ZNF25: variants seen among roughly 807,000 people sequenced by gnomAD.
ZNF25 encodes zinc finger protein 25, also known as zinc finger protein 25 (KOX 19).
Under a neutral mutation model 30.9 loss-of-function variants are expected in ZNF25, and 21 were observed. That is an observed-to-expected ratio of 0.68 (90% confidence interval 0.48 to 0.98). The LOEUF (loss-of-function observed/expected upper bound fraction) is 0.98. Among genes scored for constraint, ZNF25 ranks in the 50% least tolerant of loss-of-function variants. The pLI is 0.00. For missense variants in ZNF25, 501 were observed against 529.9 expected (o/e 0.95, Z 0.54); for synonymous variants, 169 against 181.3 (o/e 0.93, Z 0.55).
chr10:37,971,601 A>T, intron 2 of ZNF25, 107 bp downstream of exon 2: 1 of 1,549,368 alleles, frequency 6.5e-7, no homozygotes, highest in South Asian at 1.1e-5. Flanking sequence ...CTAATTTAGT[A>T]TATGGGCTCT....
intron 2 of ZNF25, among the ~76,000 whole-genome samples, 179 bp downstream of exon 2, chr10:37,971,529 G>C (rs1234660878): frequency 6.6e-6 from 1 of 151,848 alleles, no homozygotes; most frequent in East Asian, 1.9e-4. Context: ...CACATTTTGA[G>C]AATTGCTGTT....
rs568185725 is a variant in ZNF25 at position 37,975,676 on chromosome 10, G to C, written c.-86+830C>G. Among the ~76,000 whole-genome samples the C allele has an allele frequency of 1.7e-4, 26 of 152,324 alleles. No homozygotes were observed. The South Asian group carries it at 5.2e-3, about 30-fold the overall frequency. ...CACGTTTCACAGTCCTCTGAGAAGAGACTAAGGTTGGAGGATGCAGGAAGG... is the reference window on the plus strand; with the variant it reads ...CACGTTTCACAGTCCTCTGAGAAGACACTAAGGTTGGAGGATGCAGGAAGG... On this transcript the variant is annotated intron_variant, in intron 1 of 5. Transcript: ENST00000302609.
chr10:37,959,919 G>T (rs377754720), intron 2 of ZNF25, among the ~76,000 whole-genome samples: 20 of 148,570 alleles, frequency 1.3e-4, no homozygotes, highest in African/African-American at 2.2e-4. Context: ...CGGTTTTTTT[G>T]TTGTTGTTGT....
chr10:37,952,206 C>A lies in ZNF25; in HGVS notation c.1292G>T (p.Cys431Phe), dbSNP rs768897364. 11 of 1,613,106 alleles carry A rather than the reference C, an allele frequency of 6.8e-6. No homozygotes were observed. In the African/African-American group the frequency reaches 1.1e-4, roughly 16 times the overall value. ...TGEKPYECQE[C>F]GETFIQKSQL... Reference sequence around the variant, plus strand: ...TGACTTCTGGATAAAGGTTTCCCCACACTCCTGACACTCATAGGGCTTCTC... The same window carrying A: ...TGACTTCTGGATAAAGGTTTCCCCAAACTCCTGACACTCATAGGGCTTCTC... The change falls in exon 6 of 6, where the codon TGT (cysteine) becomes TTT (phenylalanine). Residue 431 changes from cysteine to phenylalanine, a missense_variant. Coordinates refer to ENST00000302609, the MANE Select transcript of ZNF25 (RefSeq NM_145011.4).
At chr10:37,965,782 C>T (rs567446414) in intron 2 of ZNF25, among the ~76,000 whole-genome samples, 1 of 152,256 alleles carries the variant, frequency 6.6e-6, no homozygotes, top group African/African-American at 2.4e-5. Flanking sequence ...CCTCTGTTTG[C>T]TTCCTATAGG....
intron 2 of ZNF25, among the ~76,000 whole-genome samples, chr10:37,962,492 A>C (rs2062945812): frequency 1.3e-5 from 2 of 152,192 alleles, no homozygotes; most frequent in African/African-American, 4.8e-5. Flanking sequence ...AAAGAATTGA[A>C]ATCTACCAAA....
intron 4 of ZNF25, 75 bp downstream of exon 4, chr10:37,956,945 G>A: frequency 1.1e-6 from 1 of 913,536 alleles, no homozygotes; most frequent in South Asian, 1.6e-5. Flanking sequence ...GTGAGAGATT[G>A]CCGAAAAGTA....
intron 2 of ZNF25, among the ~76,000 whole-genome samples, chr10:37,966,249 C>T (rs1304862957): frequency 6.6e-6 from 1 of 151,900 alleles, no homozygotes; most frequent in East Asian, 1.9e-4. Flanking sequence ...CCTGTCTGTA[C>T]TAAAAATACA....
intron 2 of ZNF25, among the ~76,000 whole-genome samples, chr10:37,968,701 T>G (rs1303606519): frequency 6.6e-6 from 1 of 152,066 alleles, no homozygotes; most frequent in Non-Finnish European, 1.5e-5. Flanking sequence ...ACAGCCCAGG[T>G]AGGAAATGGG....
At chr10:37,971,022 A>G (rs1403326480) in intron 2 of ZNF25, among the ~76,000 whole-genome samples, 1 of 152,220 alleles carries the variant, frequency 6.6e-6, no homozygotes, top group Non-Finnish European at 1.5e-5. Context: ...ATATTTTTAA[A>G]ATCACATTTG....
intron 2 of ZNF25, among the ~76,000 whole-genome samples, chr10:37,962,732 A>G (rs1210616622): frequency 1.3e-5 from 2 of 152,200 alleles, no homozygotes; most frequent in African/African-American, 4.8e-5. Flanking sequence ...AATAGTTACA[A>G]TAGGCCCTAC....
intron 2 of ZNF25, among the ~76,000 whole-genome samples, chr10:37,966,455 CA>C (rs2063191444): frequency 6.6e-6 from 1 of 150,990 alleles, no homozygotes; most frequent in African/African-American, 2.4e-5. Context: ...GGGTAATTTA[CA>C]AAGAAAAGAG....
chr10:37,964,847 A>T (rs1490156755), intron 2 of ZNF25, among the ~76,000 whole-genome samples: 1 of 152,162 alleles, frequency 6.6e-6, no homozygotes, highest in Non-Finnish European at 1.5e-5. Flanking sequence ...ATCCAAGACA[A>T]TGGGGAAAAG....
intron 2 of ZNF25, among the ~76,000 whole-genome samples, chr10:37,966,596 G>A (rs538323937): frequency 4.1e-4 from 62 of 152,146 alleles, no homozygotes; most frequent in African/African-American, 1.4e-3. Context: ...GGAGATAGAG[G>A]GCAAAGGGGG....
In ZNF25 at chr10:37,957,411, T is replaced by C. The variant is rs373654302; in HGVS notation, c.142+9A>G. On this transcript the variant is annotated intron_variant, in intron 3 of 5. Coordinates refer to ENST00000302609, the MANE Select transcript of ZNF25 (RefSeq NM_145011.4). ...TACTGGGATTTACACCTGGGGAAGT[T>C]TTCCTCACCCACTGAGACAAGGTGA... 1.2e-4 allele frequency: 190 copies of C among 1,610,198 alleles called. 1 individual carries two copies. Among genetic ancestry groups the C allele is most frequent in the Non-Finnish European group, 1.2e-4 (143 of 1,178,290 alleles).
At chr10:37,961,579 T>C (rs1223075067) in intron 2 of ZNF25, among the ~76,000 whole-genome samples, 2 of 152,042 alleles carry the variant, frequency 1.3e-5, no homozygotes, top group Admixed American at 1.3e-4. Context: ...CATTCTAGAA[T>C]ATACTTAAAA....
chr10:37,961,067 A>G (rs1295890395), intron 2 of ZNF25, among the ~76,000 whole-genome samples: 1 of 152,152 alleles, frequency 6.6e-6, no homozygotes, highest in East Asian at 1.9e-4. Context: ...TCACTTAAAA[A>G]ACAACAACAA....
At chr10:37,959,333 TG>T (rs2062717188) in intron 2 of ZNF25, among the ~76,000 whole-genome samples, 1 of 151,920 alleles carries the variant, frequency 6.6e-6, no homozygotes, top group Non-Finnish European at 1.5e-5. Context: ...GCAACAGCAG[TG>T]GGGGAAAGAA....
rs759612455 is a variant in ZNF25 at position 37,952,738 on chromosome 10, CTG to C, written c.758_759del (p.Thr253ArgfsTer6). On this transcript the variant is annotated frameshift_variant, in exon 6 of 6. Transcript: ENST00000302609. LOFTEE classifies it high-confidence loss of function. ...TCCTTACACTCATAGGGTTTCTCCC[CTG>C]TGTGTGTTTTCTGATGTACCATGAG... The part of the protein sequence containing the change: ...AYLMVHQKTH[T>X]GEKPYECKEC... 1.2e-6 allele frequency: 2 copies of C among 1,613,748 alleles called. No homozygotes were observed. The highest frequency in any genetic ancestry group is 1.7e-6 in the Non-Finnish European group (2 of 1,179,932).
Sources: gnomAD v4.1 joint callset for allele counts (sites outside exome capture counted in the v4.1 genomes callset) on GRCh38, gnomAD v4.1.1 for gene constraint, MANE v1.5 for transcripts, NCBI Gene and HGNC (gene_info 2026-07-23, HGNC 2026-07-21) for gene names.